ZCWPW2: variants seen among roughly 807,000 people sequenced by gnomAD.
ZCWPW2 encodes zinc finger CW-type and PWWP domain containing 2, also known as zinc finger CW-type PWWP domain protein 2.
ZCWPW2 carries 45 observed loss-of-function variants against 46.6 expected under a neutral mutation model. The ratio of observed to expected loss-of-function variants is 0.96; its 90% CI spans 0.76 to 1.24. The LOEUF is 1.24. Among genes scored for constraint, ZCWPW2 ranks in the 50% most tolerant of loss-of-function variants. ZCWPW2 has a pLI of 0.00. For synonymous variants in ZCWPW2, 152 were observed against 137.1 expected (o/e 1.11, Z -0.76); for missense variants, 429 against 403.9 (o/e 1.06, Z -0.53).
At chr3:28,520,917 G>A (rs568419281) in intron 8 of ZCWPW2, 75 bp from the exon 9 acceptor site, 7 of 1,541,270 alleles carry the variant, frequency 4.5e-6, no homozygotes, top group Non-Finnish European at 6.2e-6. Context: ...TCTTCTTTCT[G>A]GGTAGTTAAG....
chr3:28,455,065 C>G (rs1319047826), intron 4 of ZCWPW2, among the ~76,000 whole-genome samples: 1 of 152,190 alleles, frequency 6.6e-6, no homozygotes, highest in African/African-American at 2.4e-5. Flanking sequence ...ACCACACTGT[C>G]TTCCACAATG....
Position 28,350,994 on chromosome 3 carries a change from A to T in ZCWPW2, c.-134+1791A>T, listed in dbSNP as rs183169577. ...TTAGGGATTTTTTTCAGGAATTTTC[A>T]TATTTTCCCAAGAGGGAGTTGTGAA... On this transcript the variant is annotated intron_variant, in intron 1 of 9. Transcript: ENST00000383768. Among the ~76,000 whole-genome samples, 107 of 151,786 alleles carry T rather than the reference A, an allele frequency of 7.0e-4. 2 individuals carry two copies. Among genetic ancestry groups the T allele is most frequent in the African/African-American group, 2.4e-3 (98 of 41,234 alleles).
intron 1 of ZCWPW2, among the ~76,000 whole-genome samples, chr3:28,388,627 A>G (rs1182823731): frequency 1.3e-5 from 2 of 152,192 alleles, no homozygotes; most frequent in African/African-American, 2.4e-5. Context: ...GAAAACAAAG[A>G]TATTTGGCTT....
chr3:28,370,575 G>A (rs1337878048), intron 1 of ZCWPW2, among the ~76,000 whole-genome samples: 1 of 152,190 alleles, frequency 6.6e-6, no homozygotes, highest in Non-Finnish European at 1.5e-5. Context: ...AAAGACGGTA[G>A]TGACTAGGGA....
chr3:28,518,785 C>G (rs932246210), intron 8 of ZCWPW2, among the ~76,000 whole-genome samples: 1 of 152,162 alleles, frequency 6.6e-6, no homozygotes, highest in Admixed American at 6.5e-5. Flanking sequence ...ATGTCATTGT[C>G]AATTTCCATA....
At chr3:28,486,555 G>T (rs987352269) in intron 5 of ZCWPW2, among the ~76,000 whole-genome samples, 1 of 151,936 alleles carries the variant, frequency 6.6e-6, no homozygotes, top group African/African-American at 2.4e-5. Flanking sequence ...GCCTGGGAAA[G>T]TCTTTATTTC....
intron 1 of ZCWPW2, among the ~76,000 whole-genome samples, chr3:28,387,141 A>T (rs1334553626): frequency 6.6e-6 from 1 of 152,180 alleles, no homozygotes; most frequent in Non-Finnish European, 1.5e-5. Flanking sequence ...TTCAATACTC[A>T]AACCAATCAC....
chr3:28,420,855 A>G (rs1696750379), intron 3 of ZCWPW2, among the ~76,000 whole-genome samples: 1 of 151,944 alleles, frequency 6.6e-6, no homozygotes, highest in South Asian at 2.1e-4. Flanking sequence ...TCTGTTGTTC[A>G]GATTGGTTTA....
Position 28,514,082 on chromosome 3 carries a change from A to T in ZCWPW2, c.676A>T (p.Asn226Tyr), listed in dbSNP as rs1312471136. The T allele has an allele frequency of 7.9e-6, 12 of 1,509,966 alleles. No individual in the cohort carries two copies. Among genetic ancestry groups the T allele is most frequent in the Non-Finnish European group, 1.1e-5 (12 of 1,102,878 alleles). 93.5% of individuals were successfully genotyped at this position (1,509,966 alleles called of 1,614,324 possible). Residue 226 changes from asparagine (N) to tyrosine (Y), a missense_variant, in exon 7 of 10, where the codon AAT (asparagine) becomes TAT (tyrosine). Coordinates refer to ENST00000383768, the MANE Select transcript of ZCWPW2 (RefSeq NM_001040432.4). ...VKKRKQTSKN[N>Y]IEKKKPKFRK... is the part of the protein sequence containing the mutation. ...GTTATAGAAGCAGACTTCTAAAAAT[A>T]ATATTGAAAAGAAGAAGCCCAAATT...
chr3:28,381,435 C>T (rs1477196056), intron 1 of ZCWPW2, among the ~76,000 whole-genome samples: 2 of 151,962 alleles, frequency 1.3e-5, no homozygotes, highest in South Asian at 2.1e-4. Flanking sequence ...TGAAGGTCTT[C>T]GTCCTTACTG....
chr3:28,389,599 T>G (rs551164418), intron 1 of ZCWPW2, among the ~76,000 whole-genome samples: 1 of 152,310 alleles, frequency 6.6e-6, no homozygotes, highest in Admixed American at 6.5e-5. Context: ...ATTACAGAAT[T>G]CCCAGAACCA....
chr3:28,473,277 A>G (rs1451980309), intron 4 of ZCWPW2, among the ~76,000 whole-genome samples: 1 of 152,132 alleles, frequency 6.6e-6, no homozygotes, highest in Non-Finnish European at 1.5e-5. Flanking sequence ...GGAGTTCAAG[A>G]CCAGCCCGCC....
chr3:28,435,005 A>C, intron 3 of ZCWPW2, 105 bp from the exon 4 acceptor site: 1 of 1,195,980 alleles, frequency 8.4e-7, no homozygotes, highest in Non-Finnish European at 1.2e-6. Flanking sequence ...GTTTTGTGAA[A>C]AGGCATTAAA....
chr3:28,458,401 C>A (rs1482500069), intron 4 of ZCWPW2, among the ~76,000 whole-genome samples: 3 of 152,144 alleles, frequency 2.0e-5, no homozygotes, highest in Admixed American at 6.5e-5. Flanking sequence ...AATTGTAGAA[C>A]TCCTATAGAA....
chr3:28,426,017 G>A (rs966093802), intron 3 of ZCWPW2, among the ~76,000 whole-genome samples: 1 of 152,054 alleles, frequency 6.6e-6, no homozygotes, highest in African/African-American at 2.4e-5. Context: ...GCTGAGGCAG[G>A]AGAATTGCTT....
At chr3:28,421,780 TAGAA>T (rs1159487456) in intron 3 of ZCWPW2, among the ~76,000 whole-genome samples, 1 of 150,486 alleles carries the variant, frequency 6.6e-6, no homozygotes, top group Non-Finnish European at 1.5e-5. Context: ...GAGGGAGAAA[TAGAA>T]AGAAATGAAT....
chr3:28,421,450 T>C (rs1296221466), intron 3 of ZCWPW2, among the ~76,000 whole-genome samples: 4 of 152,148 alleles, frequency 2.6e-5, no homozygotes, highest in African/African-American at 9.7e-5. Flanking sequence ...GTGGAGGCCA[T>C]ATATTTTCCA....
intron 4 of ZCWPW2, among the ~76,000 whole-genome samples, chr3:28,442,858 G>T (rs1445190272): frequency 6.6e-6 from 1 of 152,154 alleles, no homozygotes; most frequent in Admixed American, 6.5e-5. Flanking sequence ...AGTCCTTGAT[G>T]GTGGCACTAG....
intron 2 of ZCWPW2, among the ~76,000 whole-genome samples, chr3:28,405,451 A>G (rs1696120744): frequency 1.3e-5 from 2 of 152,108 alleles, no homozygotes; most frequent in Admixed American, 1.3e-4. Flanking sequence ...AAAAGCGTAC[A>G]TTGCTGTAAA....
Sources: allele counts gnomAD v4.1 joint callset (sites outside exome capture counted in the v4.1 genomes callset), GRCh38; gene constraint gnomAD v4.1.1; transcripts MANE v1.5; gene names NCBI Gene and HGNC (gene_info 2026-07-23, HGNC 2026-07-21).